NEK4: variants seen among roughly 807,000 people sequenced by gnomAD.
NEK4 encodes serine/threonine-protein kinase Nek4.
In NEK4, 86 loss-of-function variants were observed where a neutral mutation model predicts 98.4. The observed-to-expected ratio is 0.87, with a 90% CI of 0.73 to 1.05. NEK4 has a LOEUF of 1.05. NEK4 is among the 50% of genes least tolerant of loss of function. The pLI, the probability that NEK4 is intolerant of heterozygous loss-of-function variation, is 0.00. For missense variants in NEK4, 898 were observed against 950.3 expected (o/e 0.94, Z 0.72); for synonymous variants, 328 against 342.2 (o/e 0.96, Z 0.46).
intron 15 of NEK4, 95 bp from the exon 16 acceptor site, chr3:52,711,964 A>C: frequency 1.5e-6 from 1 of 685,586 alleles, no homozygotes; most frequent in Non-Finnish European, 2.6e-6. Flanking sequence ...ATGGTATCCA[A>C]GGTGGAAACC....
At chr3:52,735,297 T>C (rs539018136) in intron 15 of NEK4, among the ~76,000 whole-genome samples, 1 of 152,334 alleles carries the variant, frequency 6.6e-6, no homozygotes, top group East Asian at 1.9e-4. Context: ...TAGAGCGAAA[T>C]TTATTTTGGT....
At chr3:52,752,790 C>G (rs923115100) in intron 6 of NEK4, among the ~76,000 whole-genome samples, 1 of 148,726 alleles carries the variant, frequency 6.7e-6, no homozygotes, top group Non-Finnish European at 1.5e-5. Flanking sequence ...GTCCCAGTTA[C>G]CTGGGAGGCT....
chr3:52,753,446 C>T (rs1305205336), intron 6 of NEK4: 7 of 374,274 alleles, frequency 1.9e-5, no homozygotes, highest in South Asian at 6.1e-5. Context: ...GCACAATGCC[C>T]GGAAGGCTGG....
intron 15 of NEK4, among the ~76,000 whole-genome samples, chr3:52,719,150 T>C (rs2097357845): frequency 6.6e-6 from 1 of 152,188 alleles, no homozygotes; most frequent in Admixed American, 6.5e-5. Context: ...AGCTTTGGAA[T>C]AAAAAGTCAC....
chr3:52,732,403 G>A (rs1209766690), intron 15 of NEK4: 3 of 154,744 alleles, frequency 1.9e-5, no homozygotes, highest in African/African-American at 7.2e-5. Flanking sequence ...ACCGTGTTAA[G>A]TCAGGATGGT....
intron 15 of NEK4, chr3:52,733,689 A>C (rs2097372165): frequency 2.2e-6 from 1 of 450,330 alleles, no homozygotes; most frequent in African/African-American, 2.0e-5. Flanking sequence ...CTTTACAAAT[A>C]TAGTGAATGC....
chr3:52,746,620 T>C lies in NEK4; in HGVS notation c.1677+114A>G, dbSNP rs2097396522. On this transcript the variant is annotated intron_variant, in intron 9 of 15. Transcript: ENST00000233027. Reference sequence around the variant, plus strand: ...ATTTAGCATCTTGCCATTGTCACCCTTCTGTATTATGTTCCTTGCATTTCT... The same window carrying C: ...ATTTAGCATCTTGCCATTGTCACCCCTCTGTATTATGTTCCTTGCATTTCT... 3.0e-5 allele frequency: 27 copies of C among 910,678 alleles called. No individual in the cohort carries two copies. The South Asian group carries it at 4.6e-4, about 15-fold the overall frequency. 56.4% of individuals were successfully genotyped at this position (910,678 alleles called of 1,614,324 possible).
At chr3:52,766,103 T>C in intron 3 of NEK4, 75 bp downstream of exon 3, 12 of 1,479,066 alleles carry the variant, frequency 8.1e-6, no homozygotes, top group South Asian at 1.2e-5. Context: ...GATAATTCTC[T>C]GACTTAATTA....
In NEK4 at chr3:52,746,112, C is replaced by T; in HGVS notation, c.1776G>A (p.Val592=). 4.3e-6 allele frequency: 7 copies of T among 1,614,144 alleles called. No homozygotes were observed. Among genetic ancestry groups the T allele is most frequent in the South Asian group, 1.1e-5 (1 of 91,080 alleles). Residue 592 remains valine, a synonymous_variant, in exon 10 of 16, where the codon GTG becomes GTA. Transcript: ENST00000233027. ...TQKEAENQRR[V]VTGSVSSSRS... ...TTGAACTGCTCACAGACCCAGTGAC[C>T]ACTCTACGTTGGTTTTCAGCCTCTT...
At chr3:52,757,960 G>C (rs1429771139) in intron 6 of NEK4, among the ~76,000 whole-genome samples, 7 of 152,060 alleles carry the variant, frequency 4.6e-5, no homozygotes, top group Non-Finnish European at 1.5e-5. Context: ...TGGATTGCCT[G>C]AGGTCAGGAG....
chr3:52,717,221 A>G lies in NEK4; in HGVS notation c.2434-5352T>C, dbSNP rs140228375. On this transcript the variant is annotated intron_variant, in intron 15 of 15. Transcript: ENST00000233027. ...CAGGAGTTTGAGACCCAGCCTGGCCAACATGGTGAAACCGCATCTCTACTA... is the reference window on the plus strand; with the variant it reads ...CAGGAGTTTGAGACCCAGCCTGGCCGACATGGTGAAACCGCATCTCTACTA... Among the ~76,000 whole-genome samples the G allele has an allele frequency of 5.4e-3, 829 of 152,196 alleles. 13 individuals carry two copies. The South Asian group carries it at 0.067, about 12-fold the overall frequency.
At chr3:52,721,793 T>C (rs567686953) in intron 15 of NEK4, among the ~76,000 whole-genome samples, 1 of 150,496 alleles carries the variant, frequency 6.6e-6, no homozygotes, top group Non-Finnish European at 1.5e-5. Flanking sequence ...TTACCATGCA[T>C]GTACATGCCC....
intron 15 of NEK4, chr3:52,732,661 A>G (rs930343478): frequency 2.1e-5 from 7 of 326,878 alleles, no homozygotes; most frequent in African/African-American, 1.1e-4. Flanking sequence ...CCCTGCACAG[A>G]GGGCTTTATA....
chr3:52,730,593 T>C (rs375148120), intron 15 of NEK4, among the ~76,000 whole-genome samples: 1 of 152,228 alleles, frequency 6.6e-6, no homozygotes, highest in African/African-American at 2.4e-5. Context: ...GAGATATTGA[T>C]CTGATATTTT....
At chr3:52,728,411 G>A (rs1037051526) in intron 15 of NEK4, among the ~76,000 whole-genome samples, 2 of 152,208 alleles carry the variant, frequency 1.3e-5, no homozygotes, top group African/African-American at 4.8e-5. Flanking sequence ...CATAAATTGT[G>A]AAGATTTCAT....
At chr3:52,753,860 C>T (rs1018093620) in intron 6 of NEK4, 2 of 377,652 alleles carry the variant, frequency 5.3e-6, no homozygotes, top group African/African-American at 4.2e-5. Flanking sequence ...ATTCATAGGG[C>T]ACAGACTTTA....
At chr3:52,766,942 C>T (rs1277734968) in intron 2 of NEK4, among the ~76,000 whole-genome samples, 5 of 151,886 alleles carry the variant, frequency 3.3e-5, no homozygotes, top group Admixed American at 2.0e-4. Flanking sequence ...GCCAAGATTG[C>T]GCCACTGCAG....
intron 9 of NEK4, 126 bp from the exon 10 acceptor site, chr3:52,746,336 T>G: frequency 1.2e-6 from 1 of 867,330 alleles, no homozygotes; most frequent in Non-Finnish European, 1.7e-6. Flanking sequence ...TTGCATTTTT[T>G]TGGAAAGACT....
intron 15 of NEK4, among the ~76,000 whole-genome samples, chr3:52,731,225 TAG>T (rs1437389392): frequency 6.6e-6 from 1 of 152,208 alleles, no homozygotes; most frequent in African/African-American, 2.4e-5. Flanking sequence ...CCAGAAATGA[TAG>T]AGTTACAACA....
Sources: gnomAD v4.1 joint callset for allele counts (sites outside exome capture counted in the v4.1 genomes callset) on GRCh38, gnomAD v4.1.1 for gene constraint, MANE v1.5 for transcripts, NCBI Gene and HGNC (gene_info 2026-07-23, HGNC 2026-07-21) for gene names.